Variants in SLC24A2 observed in about 807,000 individuals in gnomAD.
The protein encoded by SLC24A2 is solute carrier family 24 member 2.
Under a neutral mutation model 62.0 loss-of-function variants are expected in SLC24A2, and 36 were observed. The observed-to-expected ratio is 0.58, with a 90% confidence interval of 0.44 to 0.77. SLC24A2 has a LOEUF of 0.77. Among genes scored for constraint, SLC24A2 ranks in the 30% least tolerant of loss-of-function variants. The pLI is 0.00. For missense variants in SLC24A2, 846 were observed against 817.9 expected (o/e 1.03, Z -0.42); for synonymous variants, 358 against 294.0 (o/e 1.22, Z -2.23).
At chr9:19,559,304 C>T (rs553904449) in intron 7 of SLC24A2, among the ~76,000 whole-genome samples, 3 of 152,032 alleles carry the variant, frequency 2.0e-5, no homozygotes, top group Non-Finnish European at 2.9e-5. Flanking sequence ...ATCCACTTAC[C>T]CAATATTTAT....
chr9:19,867,647 C>T, the SLC24A2 span, among the ~76,000 whole-genome samples: 5 of 152,150 alleles, frequency 3.3e-5, no homozygotes, highest in African/African-American at 1.2e-4. Flanking sequence ...CAGTGGCTCA[C>T]GCCTGTAATC....
At chr9:20,231,734 C>T in the SLC24A2 span, among the ~76,000 whole-genome samples, 10 of 152,260 alleles carry the variant, frequency 6.6e-5, no homozygotes, top group East Asian at 1.9e-3. Flanking sequence ...ATTTCTTACT[C>T]CTGCCTGATT....
At chr9:19,550,309 TA>T in intron 7 of SLC24A2, 41 bp from the exon 8 acceptor site, 1 of 1,606,672 alleles carries the variant, frequency 6.2e-7, no homozygotes, top group Non-Finnish European at 8.5e-7. Context: ...AACAAAAAAA[TA>T]AAATGTACAC....
At chr9:19,887,349 G>C in the SLC24A2 span, among the ~76,000 whole-genome samples, 3 of 152,230 alleles carry the variant, frequency 2.0e-5, no homozygotes, top group South Asian at 4.1e-4. Flanking sequence ...CTCCCATTCT[G>C]TAGGTGTTCT....
At chr9:20,263,714 TAAC>T in the SLC24A2 span, among the ~76,000 whole-genome samples, 2 of 152,190 alleles carry the variant, frequency 1.3e-5, no homozygotes, top group East Asian at 1.9e-4. Context: ...TAGCTAGCAC[TAAC>T]TTTACCCTAT....
At chr9:20,101,519 G>C in the SLC24A2 span, among the ~76,000 whole-genome samples, 1 of 152,172 alleles carries the variant, frequency 6.6e-6, no homozygotes, top group Non-Finnish European at 1.5e-5. Context: ...AATTGTTCTT[G>C]TAGAATAGTA....
chr9:19,874,874 C>T, the SLC24A2 span, among the ~76,000 whole-genome samples: 1 of 151,894 alleles, frequency 6.6e-6, no homozygotes, highest in African/African-American at 2.4e-5. Flanking sequence ...CTTTAAATTT[C>T]TGCCTACAAT....
the SLC24A2 span, among the ~76,000 whole-genome samples, chr9:19,799,232 CT>C: frequency 6.6e-6 from 1 of 151,936 alleles, no homozygotes; most frequent in East Asian, 1.9e-4. Context: ...ATTCTCTTAG[CT>C]TTTTTTATTT....
In SLC24A2 at chr9:19,512,502, A is replaced by G. The variant is rs1025725425; in HGVS notation, c.*3651T>C. 1 of 152,232 alleles carries G rather than the reference A, an allele frequency of 6.6e-6. No individual in the cohort carries two copies. The highest frequency in any genetic ancestry group is 1.5e-5 in the Non-Finnish European group (1 of 68,054). 9.4% of individuals were successfully genotyped at this position (152,232 alleles called of 1,614,324 possible). On this transcript the variant is annotated 3_prime_UTR_variant, in exon 11 of 11. Coordinates refer to ENST00000341998, the MANE Select transcript of SLC24A2 (RefSeq NM_020344.4). ...CAGTTTAGGTCCTGGGAAGCTGCAT[A>G]AACACCATCTGATCTTCAGCTTCAG...
At chr9:20,075,662 T>C in the SLC24A2 span, among the ~76,000 whole-genome samples, 6 of 149,892 alleles carry the variant, frequency 4.0e-5, 1 homozygote, top group South Asian at 1.3e-3. Context: ...AGGATCTCTG[T>C]TTGTTAGCAT....
chr9:19,669,741 C>T lies in SLC24A2; in HGVS notation c.931-47442G>A, dbSNP rs138301102. ...AGAATCACTCCACTCTCCTCTTCTG[C>T]CTTAAGGACCCTTGTGATGATTAGA... On this transcript the variant is annotated intron_variant, in intron 2 of 10. Transcript: ENST00000341998. Among the ~76,000 whole-genome samples, 138 of 152,330 alleles carry T rather than the reference C, an allele frequency of 9.1e-4. 1 individual carries two copies. The highest frequency in any genetic ancestry group is 3.2e-3 in the African/African-American group (131 of 41,572).
the SLC24A2 span, among the ~76,000 whole-genome samples, chr9:20,183,295 T>C: frequency 2.0e-5 from 3 of 152,190 alleles, no homozygotes; most frequent in Non-Finnish European, 4.4e-5. Flanking sequence ...TATAAGTAAG[T>C]GCCCTATTTT....
the SLC24A2 span, among the ~76,000 whole-genome samples, chr9:20,296,715 T>A: frequency 6.6e-6 from 1 of 152,216 alleles, no homozygotes; most frequent in Non-Finnish European, 1.5e-5. Flanking sequence ...AGGTTGCCCA[T>A]CATGGTATTT....
chr9:19,860,737 A>G, the SLC24A2 span, among the ~76,000 whole-genome samples: 1 of 152,096 alleles, frequency 6.6e-6, no homozygotes, highest in Non-Finnish European at 1.5e-5. Context: ...GTCCTAGACC[A>G]GGAGGCATTC....
At chr9:19,788,526 C>T (rs1195021713) in intron 1 of SLC24A2, 3 of 985,332 alleles carry the variant, frequency 3.0e-6, no homozygotes, top group African/African-American at 3.5e-5. Context: ...AGGACAGACG[C>T]CCCACCTGTG....
chr9:19,822,367 G>C, the SLC24A2 span, among the ~76,000 whole-genome samples: 1 of 152,062 alleles, frequency 6.6e-6, no homozygotes, highest in African/African-American at 2.4e-5. Flanking sequence ...TATAATTGAT[G>C]ATAGGAATCT....
At chr9:19,585,135 T>TCTG (rs1450710961) in intron 5 of SLC24A2, among the ~76,000 whole-genome samples, 5 of 152,204 alleles carry the variant, frequency 3.3e-5, no homozygotes, top group Non-Finnish European at 7.3e-5. Flanking sequence ...CCCACTTATG[T>TCTG]CTGCTTAGCA....
the SLC24A2 span, among the ~76,000 whole-genome samples, chr9:20,154,475 A>G: frequency 6.6e-6 from 1 of 151,816 alleles, no homozygotes; most frequent in Non-Finnish European, 1.5e-5. Flanking sequence ...AAAGAAATGC[A>G]GCGGAGATGG....
chr9:20,256,393 C>T, the SLC24A2 span, among the ~76,000 whole-genome samples: 1 of 152,322 alleles, frequency 6.6e-6, no homozygotes, highest in African/African-American at 2.4e-5. Flanking sequence ...TACTCAAGAA[C>T]TCCAAAGGCT....
Sources: allele counts gnomAD v4.1 joint callset (sites outside exome capture counted in the v4.1 genomes callset), GRCh38; gene constraint gnomAD v4.1.1; transcripts MANE v1.5; gene names NCBI Gene and HGNC (gene_info 2026-07-23, HGNC 2026-07-21).